UBASH3B: variants seen among roughly 807,000 people sequenced by gnomAD.
UBASH3B encodes ubiquitin-associated and SH3 domain-containing protein B.
Under a neutral mutation model 83.4 loss-of-function variants are expected in UBASH3B, and 37 were observed. The ratio of observed to expected loss-of-function variants is 0.44; its 90% CI spans 0.34 to 0.58. UBASH3B has a LOEUF of 0.58. UBASH3B is among the 20% of genes least tolerant of loss of function. The probability of loss-of-function intolerance (pLI) is 0.01; values close to 1 mark genes in which losing one functional copy is unlikely to be tolerated. For synonymous variants in UBASH3B, 304 were observed against 318.3 expected (o/e 0.96, Z 0.48); for missense variants, 657 against 827.2 (o/e 0.79, Z 2.52).
chr11:122,739,490 T>C (rs1376495572), intron 1 of UBASH3B, among the ~76,000 whole-genome samples: 2 of 152,208 alleles, frequency 1.3e-5, no homozygotes, highest in African/African-American at 4.8e-5. Flanking sequence ...GTACCTACTA[T>C]AGTGCTTGGC....
intron 4 of UBASH3B, among the ~76,000 whole-genome samples, chr11:122,781,118 A>AAGGG (rs1327461470): frequency 1.3e-5 from 2 of 152,054 alleles, no homozygotes; most frequent in East Asian, 3.9e-4. Flanking sequence ...GAACACAAGG[A>AAGGG]CCTTAAGACC....
rs1220092939 is a variant in UBASH3B at position 122,768,468 on chromosome 11, GTA to G, written c.162-7749_162-7748del. ...AAAAGAAAAAGATAGAGATATATAT[GTA>G]TGTGTGTGTGTGTGTGTGTGTGTGT... is the stretch of plus-strand genomic sequence containing the variant. On this transcript the variant is annotated intron_variant, in intron 1 of 13. Transcript: ENST00000284273. 5.4e-4 allele frequency among the ~76,000 whole-genome samples: 72 copies of G among 132,606 alleles called. 1 individual carries two copies. Among genetic ancestry groups the G allele is most frequent in the Middle Eastern group, 3.9e-3 (1 of 256 alleles). 87.0% of individuals were successfully genotyped at this position (132,606 alleles called of 152,430 possible).
chr11:122,727,634 G>C (rs1054661931), intron 1 of UBASH3B: 2 of 152,154 alleles, frequency 1.3e-5, no homozygotes, highest in South Asian at 2.1e-4. Context: ...ACGGGACCTG[G>C]TCACTGTTTT....
intron 10 of UBASH3B, 115 bp downstream of exon 10, chr11:122,799,149 G>T: frequency 1.2e-6 from 1 of 869,050 alleles, no homozygotes; most frequent in Non-Finnish European, 1.8e-6. Context: ...TTTGAATCTG[G>T]AATGAAGCAA....
chr11:122,795,653 T>C (rs1861141809), intron 7 of UBASH3B, among the ~76,000 whole-genome samples: 1 of 152,192 alleles, frequency 6.6e-6, no homozygotes, highest in East Asian at 1.9e-4. Flanking sequence ...GTGATTAGAA[T>C]AGGAAAACAG....
At chr11:122,729,795 C>CAAAAAAAAA (rs71054092) in intron 1 of UBASH3B, among the ~76,000 whole-genome samples, 3 of 40,900 alleles carry the variant, frequency 7.3e-5, no homozygotes, top group African/African-American at 3.1e-4. Flanking sequence ...CCTATCTCTA[C>CAAAAAAAAA]AAAAAAAAAA....
intron 1 of UBASH3B, among the ~76,000 whole-genome samples, chr11:122,720,098 T>A (rs1460564664): frequency 6.6e-6 from 1 of 152,072 alleles, no homozygotes; most frequent in Non-Finnish European, 1.5e-5. Flanking sequence ...TTATGTACTA[T>A]CCATATGCTG....
At chr11:122,708,887 T>G (rs1864157863) in intron 1 of UBASH3B, among the ~76,000 whole-genome samples, 1 of 152,334 alleles carries the variant, frequency 6.6e-6, no homozygotes, top group Non-Finnish European at 1.5e-5. Context: ...ATCTAGCCAG[T>G]GTTCAGTACA....
intron 1 of UBASH3B, among the ~76,000 whole-genome samples, chr11:122,744,630 CAT>C (rs1466528165): frequency 6.6e-6 from 1 of 151,356 alleles, no homozygotes; most frequent in African/African-American, 2.4e-5. Flanking sequence ...TATGAGTGAC[CAT>C]GTGTGTGACA....
intron 1 of UBASH3B, among the ~76,000 whole-genome samples, chr11:122,715,955 T>C (rs1417651466): frequency 1.3e-5 from 2 of 152,258 alleles, no homozygotes; most frequent in Non-Finnish European, 2.9e-5. Flanking sequence ...TTGAAAATGC[T>C]CCAGAAACAG....
Position 122,712,896 on chromosome 11 carries a change from GTTTTTTTTTTTTTTT to G in UBASH3B, c.161+56702_161+56716del, listed in dbSNP as rs386375116. Among the ~76,000 whole-genome samples, 112 of 64,542 alleles carry G rather than the reference GTTTTTTTTTTTTTTT, an allele frequency of 1.7e-3. 2 individuals carry two copies. The highest frequency in any genetic ancestry group is 7.2e-3 in the African/African-American group (106 of 14,760). 42.3% of individuals were successfully genotyped at this position (64,542 alleles called of 152,430 possible). On this transcript the variant is annotated intron_variant, in intron 1 of 13. Coordinates refer to ENST00000284273, the MANE Select transcript of UBASH3B (RefSeq NM_032873.5). ...GACATTCATCTTTCTTCTCTGGGTG[GTTTTTTTTTTTTTTT>G]TTTTTTTTTTTTTTTGAGATGGATC...
intron 1 of UBASH3B, among the ~76,000 whole-genome samples, chr11:122,756,058 C>T (rs1861277718): frequency 6.9e-6 from 1 of 145,670 alleles, no homozygotes; most frequent in South Asian, 2.2e-4. Flanking sequence ...GGAATCCATC[C>T]CGATTTAGGC....
chr11:122,772,976 G>C (rs903962780), intron 1 of UBASH3B, among the ~76,000 whole-genome samples: 1 of 152,222 alleles, frequency 6.6e-6, no homozygotes, highest in African/African-American at 2.4e-5. Context: ...TTCTAAACAA[G>C]AAGGTTCCAT....
intron 1 of UBASH3B, chr11:122,774,014 A>C: frequency 1.0e-6 from 1 of 985,244 alleles, no homozygotes; most frequent in Non-Finnish European, 1.2e-6. Context: ...AACCTCTAAA[A>C]GGTCATGATT....
At chr11:122,777,616 C>T (rs1162385699) in intron 3 of UBASH3B, among the ~76,000 whole-genome samples, 1 of 114,842 alleles carries the variant, frequency 8.7e-6, no homozygotes, top group African/African-American at 2.6e-5. Context: ...ATTTCCTGTC[C>T]ACAAGTTTTT....
intron 1 of UBASH3B, among the ~76,000 whole-genome samples, chr11:122,685,642 G>A (rs1475215561): frequency 6.6e-6 from 1 of 152,052 alleles, no homozygotes; most frequent in Non-Finnish European, 1.5e-5. Context: ...TCAGCCTCCC[G>A]AGTAGCTGGA....
Position 122,806,400 on chromosome 11 carries a change from T to C in UBASH3B, c.1596-10T>C. On this transcript the variant is annotated splice_polypyrimidine_tract_variant and intron_variant, in intron 11 of 13. Transcript: ENST00000284273. The surrounding 1 kb of genome is among the most constrained non-coding windows in gnomAD (Gnocchi z 4.0). ...TGTTTTCATTTCCTTTGTTCATTTT[T>C]CTATTACAGACCTCACATTCCAATC... is the stretch of plus-strand genomic sequence containing the variant. The C allele has an allele frequency of 1.3e-6, 2 of 1,592,432 alleles. No individual in the cohort carries two copies. The highest frequency in any genetic ancestry group is 1.7e-6 in the Non-Finnish European group (2 of 1,172,426).
intron 1 of UBASH3B, among the ~76,000 whole-genome samples, chr11:122,737,540 G>A (rs1053031497): frequency 4.1e-4 from 62 of 152,114 alleles, no homozygotes; most frequent in African/African-American, 1.4e-3. Context: ...AGAATGAGGA[G>A]CGTCGCTAAA....
chr11:122,694,582 G>A (rs1162582194), intron 1 of UBASH3B, among the ~76,000 whole-genome samples: 1 of 151,606 alleles, frequency 6.6e-6, no homozygotes, highest in African/African-American at 2.4e-5. Context: ...AAAAAAACTT[G>A]GAAGGAAGGA....
Sources: gnomAD v4.1 joint callset for allele counts (sites outside exome capture counted in the v4.1 genomes callset) on GRCh38, gnomAD v4.1.1 for gene constraint, Gnocchi (gnomAD v3.1) non-coding constraint, MANE v1.5 for transcripts, NCBI Gene and HGNC (gene_info 2026-07-23, HGNC 2026-07-21) for gene names.